The following SCYL3 variants were observed in gnomAD, a reference collection of about 807,000 sequenced individuals.
SCYL3 encodes the protein SCY1 like pseudokinase 3.
Under a neutral mutation model 73.8 loss-of-function variants are expected in SCYL3, and 35 were observed. The ratio of observed to expected loss-of-function variants is 0.47; its 90% CI spans 0.36 to 0.63. The LOEUF (loss-of-function observed/expected upper bound fraction) is 0.63, where lower values mean the gene tolerates loss of function less well. Ranked by LOEUF, SCYL3 falls within the 20% of genes least tolerant of loss-of-function variation. SCYL3 has a pLI of 0.00. For synonymous variants in SCYL3, 277 were observed against 295.2 expected, an observed-to-expected ratio of 0.94 and a Z score of 0.63; for missense variants, 712 against 798.9, an observed-to-expected ratio of 0.89 and a Z score of 1.31.
At chr1:169,883,864 G>GGT (rs1471445741) in intron 2 of SCYL3, among the ~76,000 whole-genome samples, 1 of 151,670 alleles carries the variant, frequency 6.6e-6, no homozygotes, top group Non-Finnish European at 1.5e-5. Context: ...GACTACAGGC[G>GGT]CCCGCTACCA....
intron 6 of SCYL3, 23 bp from the exon 7 acceptor site, chr1:169,869,062 GT>G: frequency 1.3e-6 from 2 of 1,575,806 alleles, no homozygotes; most frequent in Non-Finnish European, 1.7e-6. Context: ...GCTACAGTTA[GT>G]TTCCAATGCC....
Position 169,853,235 on chromosome 1 carries a change from G to A in SCYL3, c.*478C>T. ...AACCATTTACTCAGATAGTCTAACTGTAAACAAATAAATAAGCTGCCTAAG... is the reference window on the plus strand; with the variant it reads ...AACCATTTACTCAGATAGTCTAACTATAAACAAATAAATAAGCTGCCTAAG... On this transcript the variant is annotated 3_prime_UTR_variant, in exon 13 of 13. Coordinates refer to ENST00000367771, the MANE Select transcript of SCYL3 (RefSeq NM_020423.7). 2.1e-6 allele frequency: 1 copy of A among 472,914 alleles called. No homozygotes were observed. Among genetic ancestry groups the A allele is most frequent in the Non-Finnish European group, 3.7e-6 (1 of 268,068 alleles). 29.3% of individuals were successfully genotyped at this position (472,914 alleles called of 1,614,324 possible). A position where few individuals can be genotyped will look rare whatever the true frequency, so the allele number is the denominator to read the frequency against.
intron 4 of SCYL3, among the ~76,000 whole-genome samples, chr1:169,874,698 G>C (rs1660673879): frequency 6.6e-6 from 1 of 152,122 alleles, no homozygotes. Context: ...GGCTAAGGTG[G>C]GCAGATAACC....
intron 2 of SCYL3, among the ~76,000 whole-genome samples, chr1:169,886,460 C>T (rs1661695961): frequency 6.6e-6 from 1 of 152,166 alleles, no homozygotes; most frequent in African/African-American, 2.4e-5. Flanking sequence ...CACAACAGCC[C>T]AAATTCATTA....
rs554877596 is a variant in SCYL3 at position 169,852,606 on chromosome 1, T to C, written c.*1107A>G. 11 of 618,528 alleles carry C rather than the reference T, an allele frequency of 1.8e-5. No individual in the cohort carries two copies. The highest frequency in any genetic ancestry group is 1.8e-4 in the Admixed American group (6 of 33,740). 38.3% of individuals were successfully genotyped at this position (618,528 alleles called of 1,614,324 possible). ...CTGGTAGTAGCACTCTGAATTGCTA[T>C]GATAAACCAAAATGCCTTTACATAT... On this transcript the variant is annotated 3_prime_UTR_variant, in exon 13 of 13. Transcript: ENST00000367771.
intron 11 of SCYL3, among the ~76,000 whole-genome samples, chr1:169,856,506 G>C (rs1031952760): frequency 6.6e-6 from 1 of 152,052 alleles, no homozygotes; most frequent in Non-Finnish European, 1.5e-5. Flanking sequence ...TCAATTTTTG[G>C]CCAAAAAGTG....
chr1:169,878,346 G>T (rs6682835), intron 3 of SCYL3, among the ~76,000 whole-genome samples: 106,322 of 152,074 alleles, frequency 0.7, 37,356 homozygotes, highest in Middle Eastern at 0.85. Flanking sequence ...CTGTAGCTAT[G>T]TTTAGGCAAA....
chr1:169,874,447 A>G (rs1660649009), intron 4 of SCYL3, among the ~76,000 whole-genome samples: 1 of 152,202 alleles, frequency 6.6e-6, no homozygotes, highest in Admixed American at 6.5e-5. Context: ...GCCTAGGGGA[A>G]GGAGTCACAG....
rs1658659675 is a variant in SCYL3 at position 169,853,255 on chromosome 1, C to T, written c.*458G>A. 2.4e-6 allele frequency: 1 copy of T among 417,324 alleles called. No homozygotes were observed. The highest frequency in any genetic ancestry group is 4.2e-6 in the Non-Finnish European group (1 of 235,972). The allele number at this position is 417,324 out of a possible 1,614,324, so 25.9% of individuals were successfully genotyped here. On this transcript the variant is annotated 3_prime_UTR_variant, in exon 13 of 13. Coordinates refer to ENST00000367771, the MANE Select transcript of SCYL3 (RefSeq NM_020423.7). ...TAACTGTAAACAAATAAATAAGCTG[C>T]CTAAGGAAACCTCAGCAATTTAAAA... is the stretch of plus-strand genomic sequence containing the variant.
At chr1:169,888,935 G>T in intron 1 of SCYL3, 45 bp from the exon 2 acceptor site, 1 of 1,130,598 alleles carries the variant, frequency 8.8e-7, no homozygotes, top group Non-Finnish European at 1.2e-6. Context: ...ATCCCTATCT[G>T]CAACATCAAC....
chr1:169,887,346 T>G (rs1028558442), intron 2 of SCYL3, among the ~76,000 whole-genome samples: 1 of 152,154 alleles, frequency 6.6e-6, no homozygotes, highest in African/African-American at 2.4e-5. Context: ...GTTTTTTCCT[T>G]TAAAAACTCG....
intron 5 of SCYL3, among the ~76,000 whole-genome samples, chr1:169,873,035 TGAAATGTGAG>T (rs1035499198): frequency 3.9e-5 from 6 of 152,130 alleles, no homozygotes; most frequent in Non-Finnish European, 8.8e-5. Flanking sequence ...TGACTGGTTT[TGAAATGTGAG>T]GACATGAGAC....
At position 169,849,941 on chromosome 1, in the gene SCYL3, G is replaced by C. The variant is rs896277403; in HGVS notation, c.*3772C>G. 8 of 466,448 alleles carry C rather than the reference G, an allele frequency of 1.7e-5. No homozygotes were observed. Among genetic ancestry groups the C allele is most frequent in the African/African-American group, 1.6e-4 (8 of 51,482 alleles). 28.9% of individuals were successfully genotyped at this position (466,448 alleles called of 1,614,324 possible). ...TTTGTGCTATCAGTCATAAGGGTTA[G>C]GCTGATGAACCTAAACCTGTAAGAT... is the stretch of plus-strand genomic sequence containing the variant. On this transcript the variant is annotated 3_prime_UTR_variant, in exon 13 of 13. Coordinates refer to ENST00000367771, the MANE Select transcript of SCYL3 (RefSeq NM_020423.7).
At chr1:169,878,594 T>G in intron 3 of SCYL3, 40 bp downstream of exon 3, 1 of 1,502,604 alleles carries the variant, frequency 6.7e-7, no homozygotes, top group East Asian at 2.3e-5. Context: ...CACCCCCATC[T>G]ACATCAAAGT....
At chr1:169,855,761 G>A (rs1659079513) in intron 11 of SCYL3, 1 of 1,581,738 alleles carries the variant, frequency 6.3e-7, no homozygotes, top group African/African-American at 1.4e-5. Flanking sequence ...ATTCATCCAA[G>A]CAATGGAAAA....
Position 169,852,263 on chromosome 1 carries a change from G to GA in SCYL3, c.*1449dup. ...AAACTTACTCCTAAATGTTTAGTTT[G>GA]ATTCCTTGCCTTATTAATCAAATGA... On this transcript the variant is annotated 3_prime_UTR_variant, in exon 13 of 13. Coordinates refer to ENST00000367771, the MANE Select transcript of SCYL3 (RefSeq NM_020423.7). 2.9e-6 allele frequency: 1 copy of GA among 348,538 alleles called. No homozygotes were observed. The highest frequency in any genetic ancestry group is 5.3e-6 in the Non-Finnish European group (1 of 188,290). 21.6% of individuals were successfully genotyped at this position (348,538 alleles called of 1,614,324 possible).
chr1:169,850,114 T>C lies in SCYL3; in HGVS notation c.*3599A>G. The stretch of plus-strand genomic sequence containing the variant: ...AATTTTGTATTATCCTTAGGGACCC[T>C]GAAGGAATCATGAGTTTATCACCTT... On this transcript the variant is annotated 3_prime_UTR_variant, in exon 13 of 13. Transcript: ENST00000367771. 3 of 602,414 alleles carry C rather than the reference T, an allele frequency of 5.0e-6. No homozygotes were observed. The highest frequency in any genetic ancestry group is 8.8e-6 in the Non-Finnish European group (3 of 339,590). 37.3% of individuals were successfully genotyped at this position (602,414 alleles called of 1,614,324 possible). A position where few individuals can be genotyped will look rare whatever the true frequency, so the allele number is the denominator to read the frequency against.
Position 169,875,961 on chromosome 1 carries a change from G to T in SCYL3, c.465+17C>A. On this transcript the variant is annotated intron_variant, in intron 4 of 12. Transcript: ENST00000367771. The stretch of plus-strand genomic sequence containing the variant: ...ATTAAAAACCAAGTAAGGAAGGGGG[G>T]CTGTCCCCTGGCTTACCTCTGGTGT... 6.5e-7 allele frequency: 1 copy of T among 1,533,786 alleles called. No homozygotes were observed. Among genetic ancestry groups the T allele is most frequent in the Non-Finnish European group, 8.9e-7 (1 of 1,118,840 alleles).
chr1:169,856,884 T>C (rs1659220822), intron 11 of SCYL3, among the ~76,000 whole-genome samples: 1 of 152,176 alleles, frequency 6.6e-6, no homozygotes, highest in Non-Finnish European at 1.5e-5. Flanking sequence ...GCTTTAAAAA[T>C]TCTTTTAGCA....
Sources: allele counts gnomAD v4.1 joint callset (sites outside exome capture counted in the v4.1 genomes callset), GRCh38; gene constraint gnomAD v4.1.1; transcripts MANE v1.5; gene names NCBI Gene and HGNC (gene_info 2026-07-23, HGNC 2026-07-21).